The following FKBP9 variants were observed in gnomAD, a reference collection of about 807,000 sequenced individuals.
FKBP9 encodes peptidyl-prolyl cis-trans isomerase FKBP9.
A neutral mutation model predicts 55.6 loss-of-function variants in FKBP9; 27 were observed. That is an observed-to-expected ratio of 0.49 (90% CI 0.36 to 0.67). FKBP9 has a LOEUF of 0.67. FKBP9 is among the 30% of genes least tolerant of loss of function. The pLI is 0.00. For synonymous variants in FKBP9, 267 were observed against 296.5 expected, an observed-to-expected ratio of 0.90 and a Z score of 1.02; for missense variants, 539 against 742.8, an observed-to-expected ratio of 0.73 and a Z score of 3.19.
At chr7:32,979,279 A>G (rs1784423060) in intron 4 of FKBP9, among the ~76,000 whole-genome samples, 1 of 152,226 alleles carries the variant, frequency 6.6e-6, no homozygotes, top group African/African-American at 2.4e-5. Flanking sequence ...AAGAAAAAAA[A>G]AAAGAAAAGA....
chr7:32,964,422 A>T (rs1269871516), intron 1 of FKBP9, among the ~76,000 whole-genome samples: 1 of 152,218 alleles, frequency 6.6e-6, no homozygotes, highest in East Asian at 1.9e-4. Context: ...TAAAAACAAA[A>T]ATCCATAACA....
chr7:32,996,739 C>CT (rs1784802513), intron 7 of FKBP9, among the ~76,000 whole-genome samples: 1 of 95,930 alleles, frequency 1.0e-5, no homozygotes, highest in Non-Finnish European at 2.0e-5. Flanking sequence ...TCCTTCCTTC[C>CT]TTTCTTTCTT....
chr7:32,999,475 C>CT (rs528265138), intron 7 of FKBP9, among the ~76,000 whole-genome samples: 14,560 of 128,350 alleles, frequency 0.11, 1,252 homozygotes, highest in South Asian at 0.27. Context: ...TCTTGGTGGT[C>CT]TTTTTTTTTT....
intron 1 of FKBP9, among the ~76,000 whole-genome samples, chr7:32,959,118 AC>A (rs1762078830): frequency 1.3e-5 from 2 of 151,942 alleles, no homozygotes; most frequent in Non-Finnish European, 2.9e-5. Context: ...AAAAAAAAAA[AC>A]AACAGGCCGG....
intron 1 of FKBP9, among the ~76,000 whole-genome samples, chr7:32,965,812 A>AAATAT (rs1554284289): frequency 1.4e-4 from 5 of 34,936 alleles, no homozygotes; most frequent in African/African-American, 6.1e-4. Flanking sequence ...AAAAAAAAAA[A>AAATAT]ATATATATAT....
At position 33,002,704 on chromosome 7, in the gene FKBP9, A is replaced by T. The variant is rs757442900; in HGVS notation, c.1401A>T (p.Leu467Phe). ...VDGEVPGSAVLVFDIELLELV... is the reference protein window; with the variant it reads ...VDGEVPGSAVFVFDIELLELV... ...GAGAAGTGCCCGGCAGTGCCGTATT[A>T]GTGTTTGACATTGAGCTGCTGGAGC... Residue 467 changes from leucine to phenylalanine, a missense_variant, in exon 9 of 10, where the codon TTA becomes TTT. Around this residue, in one of 4 missense-constraint regions of FKBP9, gnomAD observed 102 missense variants for 200.7 expected, o/e 0.51. Coordinates refer to ENST00000242209, the MANE Select transcript of FKBP9 (RefSeq NM_007270.5). The T allele has an allele frequency of 3.7e-6, 6 of 1,614,092 alleles. No homozygotes were observed. In the Admixed American group the frequency reaches 5.0e-5, roughly 13 times the overall value.
intron 1 of FKBP9, chr7:32,963,517 G>A (rs1030538190): frequency 7.3e-6 from 6 of 820,302 alleles, no homozygotes; most frequent in African/African-American, 7.0e-5. Context: ...TTTTACACAG[G>A]GATTCATCCA....
rs1009511987 is a variant in FKBP9 at position 32,978,284 on chromosome 7, T to C, written c.703+1785T>C. Among the ~76,000 whole-genome samples, 49 of 151,454 alleles carry C rather than the reference T, an allele frequency of 3.2e-4. 1 individual carries two copies. Among genetic ancestry groups the C allele is most frequent in the Non-Finnish European group, 2.9e-5 (2 of 67,924 alleles). ...GGTTTCTTAAACAGAGCATTAGGGGTGGAATTCCCTACTAAAAGAAAAATA... is the reference window on the plus strand; with the variant it reads ...GGTTTCTTAAACAGAGCATTAGGGGCGGAATTCCCTACTAAAAGAAAAATA... On this transcript the variant is annotated intron_variant, in intron 4 of 9. Transcript: ENST00000242209.
At chr7:32,980,141 T>G (rs1262052791) in intron 4 of FKBP9, among the ~76,000 whole-genome samples, 2 of 152,070 alleles carry the variant, frequency 1.3e-5, no homozygotes, top group Non-Finnish European at 2.9e-5. Flanking sequence ...TAGTCTCTTA[T>G]GTCATTAATA....
At chr7:32,974,529 C>T in intron 1 of FKBP9, 88 bp from the exon 2 acceptor site, 1 of 1,166,718 alleles carries the variant, frequency 8.6e-7, no homozygotes, top group Non-Finnish European at 1.3e-6. Context: ...CCCATTACAT[C>T]TGTGGGCACA....
At chr7:32,996,475 T>G (rs1178833757) in intron 7 of FKBP9, 126 bp downstream of exon 7, 3 of 646,134 alleles carry the variant, frequency 4.6e-6, no homozygotes, top group Non-Finnish European at 8.4e-6. Context: ...ACTGCATAGC[T>G]CGTGGCTGCA....
intron 1 of FKBP9, among the ~76,000 whole-genome samples, chr7:32,972,619 G>C (rs1784274985): frequency 6.6e-6 from 1 of 152,190 alleles, no homozygotes; most frequent in East Asian, 1.9e-4. Context: ...TCTACCTGTA[G>C]ATGATAGATA....
intron 4 of FKBP9, among the ~76,000 whole-genome samples, chr7:32,978,554 C>T (rs1784408479): frequency 6.6e-6 from 1 of 152,026 alleles, no homozygotes; most frequent in Non-Finnish European, 1.5e-5. Flanking sequence ...GACAGTGTCT[C>T]GCTACGTTAC....
At chr7:32,982,517 T>C (rs908689861) in intron 5 of FKBP9, among the ~76,000 whole-genome samples, 1 of 152,216 alleles carries the variant, frequency 6.6e-6, no homozygotes, top group Non-Finnish European at 1.5e-5. Flanking sequence ...TGGCGTCCCA[T>C]TGGGTGAGTA....
chr7:32,966,165 C>A (rs1784143007), intron 1 of FKBP9, among the ~76,000 whole-genome samples: 1 of 122,264 alleles, frequency 8.2e-6, no homozygotes, highest in African/African-American at 3.2e-5. Context: ...TGCACTCCAG[C>A]CTTGGTGACA....
At position 32,980,365 on chromosome 7, in the gene FKBP9, G is replaced by T; in HGVS notation, c.705G>T (p.Gly235=). 19 of 1,609,956 alleles carry T rather than the reference G, an allele frequency of 1.2e-5. No individual in the cohort carries two copies. Among genetic ancestry groups the T allele is most frequent in the Non-Finnish European group, 1.5e-5 (18 of 1,177,198 alleles). Residue 235 remains glycine (G), a splice_region_variant and synonymous_variant, in exon 5 of 10, where the codon GGG becomes GGT. Transcript: ENST00000242209. The stretch of plus-strand genomic sequence containing the variant: ...TCATCTTCTCCCATTCCATTCTAGG[G>T]AAAGACATTCCCGGTCAGGCATCTC... ...PFLAYGEDGD[G]KDIPGQASLV...
At chr7:32,988,427 C>A in intron 5 of FKBP9, 80 bp from the exon 6 acceptor site, 2 of 1,443,580 alleles carry the variant, frequency 1.4e-6, no homozygotes, top group Non-Finnish European at 1.9e-6. Flanking sequence ...TGTGCCTTTG[C>A]ATCTCTTTCC....
intron 1 of FKBP9, among the ~76,000 whole-genome samples, chr7:32,970,193 A>C (rs62467429): frequency 0.13 from 19,876 of 151,642 alleles, 1,772 homozygotes; most frequent in Admixed American, 0.3. Context: ...TGTCCTCTTT[A>C]ATTTCTTTCT....
intron 1 of FKBP9, among the ~76,000 whole-genome samples, chr7:32,967,747 G>GT (rs1359356355): frequency 6.6e-6 from 1 of 151,060 alleles, no homozygotes; most frequent in East Asian, 2.0e-4. Context: ...AGACAGAGTG[G>GT]TTTTTTTGTT....
Sources: allele counts gnomAD v4.1 joint callset (sites outside exome capture counted in the v4.1 genomes callset), GRCh38; gene constraint gnomAD v4.1.1; regional missense constraint gnomAD v4.1.1; transcripts MANE v1.5; gene names NCBI Gene and HGNC (gene_info 2026-07-23, HGNC 2026-07-21).